The following ARAP2 variants were observed in gnomAD, a reference collection of about 807,000 sequenced individuals.
The protein encoded by ARAP2 is ArfGAP with RhoGAP domain, ankyrin repeat and PH domain 2.
A neutral mutation model predicts 194.5 loss-of-function variants in ARAP2; 148 were observed. The observed-to-expected ratio is 0.76, with a 90% CI of 0.67 to 0.87. The LOEUF (loss-of-function observed/expected upper bound fraction) is 0.87, where lower values mean the gene tolerates loss of function less well. ARAP2 is among the 40% of genes least tolerant of loss of function. The probability of loss-of-function intolerance (pLI) is 0.00; values close to 1 mark genes in which losing one functional copy is unlikely to be tolerated. For synonymous variants in ARAP2, 695 were observed against 683.5 expected (o/e 1.02, Z -0.26); for missense variants, 2,128 against 1,989.7 (o/e 1.07, Z -1.32).
intron 2 of ARAP2, among the ~76,000 whole-genome samples, chr4:36,223,786 T>C (rs1226792881): frequency 6.6e-6 from 1 of 152,044 alleles, no homozygotes; most frequent in African/African-American, 2.4e-5. Flanking sequence ...AAGGCCACCA[T>C]CTGATAGCCA....
chr4:36,135,993 G>A (rs972153206), intron 19 of ARAP2, among the ~76,000 whole-genome samples: 1 of 151,688 alleles, frequency 6.6e-6, no homozygotes, highest in African/African-American at 2.4e-5. Context: ...ATGATGAGTT[G>A]AGCTGTCTCC....
intron 27 of ARAP2, among the ~76,000 whole-genome samples, chr4:36,100,694 A>C (rs968390272): frequency 2.6e-5 from 4 of 152,108 alleles, no homozygotes; most frequent in African/African-American, 9.7e-5. Context: ...GGTGAAATTT[A>C]CATGAGAAGA....
intron 19 of ARAP2, among the ~76,000 whole-genome samples, chr4:36,133,694 G>A (rs1460756890): frequency 2.0e-5 from 3 of 151,664 alleles, no homozygotes; most frequent in Non-Finnish European, 2.9e-5. Flanking sequence ...GATATTTCTG[G>A]TTACGTTTTT....
chr4:36,069,270 T>G (rs1431607112), intron 32 of ARAP2, among the ~76,000 whole-genome samples: 1 of 152,184 alleles, frequency 6.6e-6, no homozygotes. Context: ...ATTTGGAATT[T>G]TCTGGTAAGA....
At chr4:36,073,527 T>A (rs943259910) in intron 32 of ARAP2, among the ~76,000 whole-genome samples, 162 bp downstream of exon 32, 4 of 152,142 alleles carry the variant, frequency 2.6e-5, no homozygotes, top group Non-Finnish European at 5.9e-5. Flanking sequence ...GGTATAAGGT[T>A]ATTCATACTG....
intron 25 of ARAP2, among the ~76,000 whole-genome samples, chr4:36,116,832 GA>G (rs1311908547): frequency 6.6e-6 from 1 of 151,636 alleles, no homozygotes; most frequent in African/African-American, 2.4e-5. Flanking sequence ...GTATTTTCCA[GA>G]ACTTGAAGAA....
At chr4:36,110,265 C>T (rs1051462468) in intron 26 of ARAP2, among the ~76,000 whole-genome samples, 1 of 151,888 alleles carries the variant, frequency 6.6e-6, no homozygotes, top group Non-Finnish European at 1.5e-5. Flanking sequence ...TGAAAAACAA[C>T]GTCTGCCCTG....
In ARAP2 at chr4:36,229,239, G is replaced by C. The variant is rs777889153; in HGVS notation, c.248C>G (p.Thr83Ser). The C allele has an allele frequency of 3.7e-6, 6 of 1,613,908 alleles. No individual in the cohort carries two copies. The highest frequency in any genetic ancestry group is 1.7e-5 in the Admixed American group (1 of 59,976). ...DIPIYANVHK[T>S]KKNDDPSKDY... ...CTTTGAAGGGTCATCATTCTTCTTA[G>C]TTTTATGAACATTTGCATATATTGG... is the stretch of plus-strand genomic sequence containing the variant. Residue 83 changes from threonine to serine, a missense_variant, in exon 2 of 33, where the codon ACT becomes AGT. Physicochemically the swap from Thr to Ser is moderately conservative, Grantham distance 58 (BLOSUM62 1). Coordinates refer to ENST00000303965, the MANE Select transcript of ARAP2 (RefSeq NM_015230.4).
At chr4:36,207,412 G>A (rs997145056) in intron 6 of ARAP2, among the ~76,000 whole-genome samples, 10 of 152,094 alleles carry the variant, frequency 6.6e-5, no homozygotes, top group African/African-American at 2.4e-4. Context: ...CTAGTTTTAG[G>A]GATGTTATAT....
intron 32 of ARAP2, among the ~76,000 whole-genome samples, chr4:36,072,510 T>C (rs896659009): frequency 2.1e-4 from 32 of 152,030 alleles, no homozygotes; most frequent in Non-Finnish European, 1.0e-4. Flanking sequence ...TGTCAAAAGG[T>C]TCTACAGTCA....
Position 36,159,194 on chromosome 4 carries a change from GCATCTC to G in ARAP2, c.2617+131_2617+136del, listed in dbSNP as rs1040237573. On this transcript the variant is annotated intron_variant, in intron 14 of 32. Transcript: ENST00000303965. ...GAAATGATATAAAAAATAGTCTTAGGCATCTCCATCTTTTTGGTAATTACATTTTTC... is the reference window on the plus strand; with the variant it reads ...GAAATGATATAAAAAATAGTCTTAGGCATCTTTTTGGTAATTACATTTTTC... 4 of 876,308 alleles carry G rather than the reference GCATCTC, an allele frequency of 4.6e-6. No individual in the cohort carries two copies. The African/African-American group carries it at 6.9e-5, about 15-fold the overall frequency. 54.3% of individuals were successfully genotyped at this position (876,308 alleles called of 1,614,324 possible).
At chr4:36,024,285 C>T (rs1018667459) in intron 5 of ARAP2, among the ~76,000 whole-genome samples, 18 of 152,112 alleles carry the variant, frequency 1.2e-4, no homozygotes, top group Non-Finnish European at 2.4e-4. Context: ...ACATTGCATA[C>T]CTGTATAAAG....
At chr4:36,225,963 A>G (rs1337067688) in intron 2 of ARAP2, among the ~76,000 whole-genome samples, 4 of 152,198 alleles carry the variant, frequency 2.6e-5, no homozygotes, top group Non-Finnish European at 5.9e-5. Context: ...AAGTTATATT[A>G]TAACACTTTA....
chr4:36,170,748 T>C (rs1185164242), intron 9 of ARAP2, among the ~76,000 whole-genome samples: 1 of 152,200 alleles, frequency 6.6e-6, no homozygotes, highest in Non-Finnish European at 1.5e-5. Flanking sequence ...TTCTGTGAAG[T>C]AAGCAGAGCA....
intron 6 of ARAP2, among the ~76,000 whole-genome samples, chr4:36,204,549 G>A (rs2109242426): frequency 6.6e-6 from 1 of 152,288 alleles, no homozygotes; most frequent in East Asian, 1.9e-4. Flanking sequence ...ATGTTAGTGT[G>A]CACTCGGCCT....
intron 26 of ARAP2, among the ~76,000 whole-genome samples, chr4:36,111,957 CT>C (rs1050458615): frequency 6.6e-6 from 1 of 151,944 alleles, no homozygotes; most frequent in African/African-American, 2.4e-5. Flanking sequence ...CAGTATTCTG[CT>C]ATCAAACTTT....
At chr4:36,044,039 G>A (rs1052067311) in intron 5 of ARAP2, among the ~76,000 whole-genome samples, 10 of 152,016 alleles carry the variant, frequency 6.6e-5, no homozygotes, top group Admixed American at 1.3e-4. Context: ...CAGGAAATGC[G>A]CACCAGTATG....
At chr4:36,194,851 C>T (rs1287776167) in intron 6 of ARAP2, among the ~76,000 whole-genome samples, 1 of 151,886 alleles carries the variant, frequency 6.6e-6, no homozygotes, top group Non-Finnish European at 1.5e-5. Context: ...AGCATATAAC[C>T]ACTTCATATT....
At position 36,167,062 on chromosome 4, in the gene ARAP2, A is replaced by G; in HGVS notation, c.1858-15T>C. 7.4e-7 allele frequency: 1 copy of G among 1,356,698 alleles called. No homozygotes were observed. The highest frequency in any genetic ancestry group is 1.0e-6 in the Non-Finnish European group (1 of 985,138). The allele number at this position is 1,356,698 out of a possible 1,614,324, so 84.0% of individuals were successfully genotyped here. On this transcript the variant is annotated splice_polypyrimidine_tract_variant and intron_variant, in intron 9 of 32. Coordinates refer to ENST00000303965, the MANE Select transcript of ARAP2 (RefSeq NM_015230.4). ...CTCTTAAAATCCTAGTTTGGAGAAA[A>G]ACATAAAAAACTATAAAGAAACAAA...
Sources: gnomAD v4.1 joint callset for allele counts (sites outside exome capture counted in the v4.1 genomes callset) on GRCh38, gnomAD v4.1.1 for gene constraint, MANE v1.5 for transcripts, NCBI Gene and HGNC (gene_info 2026-07-23, HGNC 2026-07-21) for gene names.